The following GNG7 variants were observed in gnomAD, a reference collection of about 807,000 sequenced individuals.
The protein encoded by GNG7 is G protein subunit gamma 7.
A neutral mutation model predicts 4.0 loss-of-function variants in GNG7; 1 was observed. That is an observed-to-expected ratio of 0.25 (90% CI 0.09 to 1.18). The LOEUF (loss-of-function observed/expected upper bound fraction) is 1.18. Ranked by LOEUF, GNG7 falls within the 50% of genes most tolerant of loss-of-function variation. The pLI, the probability that GNG7 is intolerant of heterozygous loss-of-function variation, is 0.50. For missense variants in GNG7, 86 were observed against 91.9 expected (o/e 0.94, Z 0.26); for synonymous variants, 34 against 36.9 (o/e 0.92, Z 0.29).
At position 2,633,274 on chromosome 19, in the gene GNG7, G is replaced by A. The variant is rs1982209501; in HGVS notation, c.-78+12950C>T. 6.6e-6 allele frequency among the ~76,000 whole-genome samples: 1 copy of A among 152,140 alleles called. No individual in the cohort carries two copies. Among genetic ancestry groups the A allele is most frequent in the Non-Finnish European group, 1.5e-5 (1 of 68,024 alleles). On this transcript the variant is annotated intron_variant, in intron 2 of 4. Transcript: ENST00000382159. The surrounding 1 kb of genome is among the most constrained non-coding windows in gnomAD (Gnocchi z 5.9). Reference sequence around the variant, plus strand: ...AGGGTCAAGGTCAAGCCACAGATTGGCAGAGCCATCCTCTCTGGCCTCCAC... The same window carrying A: ...AGGGTCAAGGTCAAGCCACAGATTGACAGAGCCATCCTCTCTGGCCTCCAC...
intron 2 of GNG7, among the ~76,000 whole-genome samples, chr19:2,619,611 G>A (rs950395899): frequency 1.3e-5 from 2 of 152,144 alleles, no homozygotes; most frequent in African/African-American, 4.8e-5. Flanking sequence ...CTCTGATGCC[G>A]GCCACAGTGT....
intron 1 of GNG7, among the ~76,000 whole-genome samples, chr19:2,667,290 C>G (rs1028873908): frequency 2.0e-5 from 3 of 152,018 alleles, no homozygotes; most frequent in Admixed American, 2.0e-4. Context: ...CCACTGCAAC[C>G]CAGCCTGGGC....
chr19:2,585,604 A>C (rs1980647716), intron 2 of GNG7, among the ~76,000 whole-genome samples: 1 of 152,234 alleles, frequency 6.6e-6, no homozygotes, highest in Admixed American at 6.5e-5. Flanking sequence ...AACAGTCTTC[A>C]TCTCCAGATT....
At chr19:2,663,500 T>C (rs548711426) in intron 1 of GNG7, among the ~76,000 whole-genome samples, 1 of 152,286 alleles carries the variant, frequency 6.6e-6, no homozygotes, top group South Asian at 2.1e-4. Flanking sequence ...CAAATCTCTA[T>C]TATTTATAAA....
chr19:2,651,575 CTTT>C (rs748291961), intron 1 of GNG7, among the ~76,000 whole-genome samples: 1 of 125,146 alleles, frequency 8.0e-6, no homozygotes, highest in Non-Finnish European at 1.6e-5. Context: ...CTCTCTCTCT[CTTT>C]TTTTTTTAAG....
In GNG7 at chr19:2,585,062, A is replaced by AGGAG. The variant is rs1268660135; in HGVS notation, c.-77-29878_-77-29875dup. ...AGGGAGGGAGGGAAGGAAGGAAGGA[A>AGGAG]GGAGGGAGGGAGGGATGGAGGGAGG... On this transcript the variant is annotated intron_variant, in intron 2 of 4. Coordinates refer to ENST00000382159, the MANE Select transcript of GNG7 (RefSeq NM_052847.3). Among the ~76,000 whole-genome samples, 3 of 79,992 alleles carry AGGAG rather than the reference A, an allele frequency of 3.8e-5. 1 individual carries two copies. Among genetic ancestry groups the AGGAG allele is most frequent in the African/African-American group, 1.9e-4 (3 of 15,720 alleles). The allele number at this position is 79,992 out of a possible 152,430, so 52.5% of individuals were successfully genotyped here. A position where few individuals can be genotyped will look rare whatever the true frequency, so the allele number is the denominator to read the frequency against.
chr19:2,656,029 CAAAAAAAAAAAAAAGAAAG>C (rs1377692787), intron 1 of GNG7, among the ~76,000 whole-genome samples: 12 of 98,088 alleles, frequency 1.2e-4, no homozygotes, highest in African/African-American at 4.5e-4. Context: ...CGATTCAAAA[CAAAAAAAAAAAAAAGAAAG>C]AAAGAAAAAA....
intron 2 of GNG7, among the ~76,000 whole-genome samples, chr19:2,587,295 C>T (rs1980704231): frequency 1.3e-5 from 2 of 152,152 alleles, no homozygotes; most frequent in South Asian, 4.2e-4. Context: ...ACCCAGGGGT[C>T]TCTCCTGTCC....
chr19:2,619,891 T>C (rs146460308), intron 2 of GNG7, among the ~76,000 whole-genome samples: 1 of 151,870 alleles, frequency 6.6e-6, no homozygotes, highest in East Asian at 1.9e-4. Flanking sequence ...GCTGCACATT[T>C]TTAAAGGGTG....
chr19:2,536,095 A>G (rs1468667889), intron 3 of GNG7, among the ~76,000 whole-genome samples: 1 of 152,004 alleles, frequency 6.6e-6, no homozygotes, highest in Non-Finnish European at 1.5e-5. Flanking sequence ...ACTGTACTTC[A>G]GCCGGGCAAC....
At chr19:2,566,227 G>A (rs1041889708) in intron 2 of GNG7, among the ~76,000 whole-genome samples, 1 of 152,080 alleles carries the variant, frequency 6.6e-6, no homozygotes, top group Admixed American at 6.6e-5. Context: ...CACACGGGAG[G>A]GAGAATGCTG....
chr19:2,680,568 A>T (rs1983705593), intron 1 of GNG7, among the ~76,000 whole-genome samples: 2 of 147,286 alleles, frequency 1.4e-5, no homozygotes, highest in South Asian at 4.3e-4. Context: ...CACAAAATTT[A>T]CAATTTTTTT....
chr19:2,684,791 C>T (rs12462179), intron 1 of GNG7, among the ~76,000 whole-genome samples: 35,748 of 151,510 alleles, frequency 0.24, 4,792 homozygotes, highest in East Asian at 0.6. Flanking sequence ...GAGTTCACGA[C>T]CAGCCTGGCC....
rs112853732 is a variant in GNG7 at position 2,567,123 on chromosome 19, C to CA, written c.-77-11936dup. The stretch of plus-strand genomic sequence containing the variant: ...CGAGACTCCGTCTCAAAAAAAAAAA[C>CA]AAAAAAAACAAAAAAAAAACAAAAA... On this transcript the variant is annotated intron_variant, in intron 2 of 4. Coordinates refer to ENST00000382159, the MANE Select transcript of GNG7 (RefSeq NM_052847.3). 4.4e-3 allele frequency among the ~76,000 whole-genome samples: 174 copies of CA among 39,818 alleles called. 1 individual carries two copies. Among genetic ancestry groups the CA allele is most frequent in the South Asian group, 0.011 (15 of 1,340 alleles). 26.1% of individuals were successfully genotyped at this position (39,818 alleles called of 152,430 possible).
intron 2 of GNG7, among the ~76,000 whole-genome samples, chr19:2,615,139 G>A (rs1359941582): frequency 1.3e-5 from 2 of 152,114 alleles, no homozygotes; most frequent in African/African-American, 4.8e-5. Context: ...GCCACTGTCT[G>A]GTCTGAAGGT....
At chr19:2,574,922 G>A (rs1160593820) in intron 2 of GNG7, among the ~76,000 whole-genome samples, 2 of 152,264 alleles carry the variant, frequency 1.3e-5, no homozygotes, top group Non-Finnish European at 1.5e-5. Context: ...AAATGGGCTC[G>A]TGGTTTCTCC....
At chr19:2,572,012 GTTGTT>G (rs575653762) in intron 2 of GNG7, among the ~76,000 whole-genome samples, 23 of 152,024 alleles carry the variant, frequency 1.5e-4, no homozygotes, top group South Asian at 6.2e-4. Context: ...TTGTGTTTTT[GTTGTT>G]TTGTTTTGTT....
intron 2 of GNG7, among the ~76,000 whole-genome samples, chr19:2,624,111 G>A (rs1981951296): frequency 6.6e-6 from 1 of 152,156 alleles, no homozygotes; most frequent in South Asian, 2.1e-4. Flanking sequence ...AAGATGGAAA[G>A]TTCTGGAGAT....
rs746071172 is a variant in GNG7, at chr19:2,642,877, G to A, written c.-78+3347C>T. 7 of 456,190 alleles carry A rather than the reference G, an allele frequency of 1.5e-5. No individual in the cohort carries two copies. The East Asian group carries it at 4.9e-4, about 32-fold the overall frequency. 28.3% of individuals were successfully genotyped at this position (456,190 alleles called of 1,614,324 possible). On this transcript the variant is annotated intron_variant, in intron 2 of 4. Coordinates refer to ENST00000382159, the MANE Select transcript of GNG7 (RefSeq NM_052847.3). ...GGAATGCATAGTCTGAGCCCTCTCC[G>A]GGCTCTGCACACCTTCCCGCCCTGC...
Sources: gnomAD v4.1 joint callset for allele counts (sites outside exome capture counted in the v4.1 genomes callset) on GRCh38, gnomAD v4.1.1 for gene constraint, Gnocchi (gnomAD v3.1) non-coding constraint, MANE v1.5 for transcripts, NCBI Gene and HGNC (gene_info 2026-07-23, HGNC 2026-07-21) for gene names.